Variants in SPEN observed in about 807,000 individuals in gnomAD.
SPEN encodes spen family transcriptional repressor.
SPEN carries 18 observed loss-of-function variants against 269.9 expected under a neutral mutation model. That is an observed-to-expected ratio of 0.07 (90% CI 0.05 to 0.10). The LOEUF (loss-of-function observed/expected upper bound fraction) is 0.10, where lower values mean the gene tolerates loss of function less well. Ranked by LOEUF, SPEN falls within the 10% of genes least tolerant of loss-of-function variation. SPEN has a pLI of 1.00. For synonymous variants in SPEN, 1,726 were observed against 1,765.7 expected, an observed-to-expected ratio of 0.98 and a Z score of 0.56; for missense variants, 3,822 against 4,631.2, an observed-to-expected ratio of 0.83 and a Z score of 5.07.
In SPEN at chr1:15,935,396, C is replaced by T. The variant is rs756065173; in HGVS notation, c.9156C>T (p.Thr3052=). 6.2e-7 allele frequency: 1 copy of T among 1,614,166 alleles called. No homozygotes were observed. The highest frequency in any genetic ancestry group is 1.1e-5 in the South Asian group (1 of 91,090). The change falls in exon 11 of 15, where the codon ACC becomes ACT. Residue 3052 remains threonine, a synonymous_variant. Transcript: ENST00000375759. The surrounding 1 kb of genome is among the most constrained non-coding windows in gnomAD (Gnocchi z 7.7). ...PSSTASTALS[T]NATVMLAAGI... is the part of the protein sequence containing the mutation. ...GTACTGCATCTACGGCGCTCTCCAC[C>T]AACGCCACAGTCATGCTGGCTGCAG...
At chr1:15,927,473 G>A (rs1450550373) in intron 10 of SPEN, among the ~76,000 whole-genome samples, 1 of 152,116 alleles carries the variant, frequency 6.6e-6, no homozygotes, top group African/African-American at 2.4e-5. Context: ...TTAGATAGAA[G>A]TGTTACCAGT....
intron 3 of SPEN, among the ~76,000 whole-genome samples, chr1:15,905,777 G>A (rs1233217394): frequency 6.6e-6 from 1 of 151,592 alleles, no homozygotes; most frequent in African/African-American, 2.4e-5. Flanking sequence ...GTTTCACCAT[G>A]TTGGCCAGGA....
At chr1:15,888,354 TG>T (rs1173902709) in intron 3 of SPEN, among the ~76,000 whole-genome samples, 4 of 151,978 alleles carry the variant, frequency 2.6e-5, no homozygotes, top group Non-Finnish European at 4.4e-5. Context: ...GCAAGAGTCT[TG>T]CTCTGTTGCC....
In SPEN at chr1:15,939,308, C is replaced by A; in HGVS notation, c.10876C>A (p.Leu3626Met). ...ATCCTGTCTCCAGCCTGCCTACGTG[C>A]TGCAGATCTTCCCGCCCTGTGAGTT... ...NPGSNQPAYV[L>M]QIFPPCEFSE... The change falls in exon 15 of 15, where the codon CTG (leucine) becomes ATG (methionine). Residue 3626 changes from leucine to methionine, a missense_variant. Physicochemically the swap from Leu to Met is conservative, Grantham distance 15. Coordinates refer to ENST00000375759, the MANE Select transcript of SPEN (RefSeq NM_015001.3). This position sits in a 1 kb window ranked among gnomAD's most constrained non-coding sequence, Gnocchi z 4.1. 6.3e-7 allele frequency: 1 copy of A among 1,593,920 alleles called. No homozygotes were observed. The highest frequency in any genetic ancestry group is 8.5e-7 in the Non-Finnish European group (1 of 1,169,678).
intron 5 of SPEN, among the ~76,000 whole-genome samples, chr1:15,913,675 G>A (rs911683661): frequency 2.0e-5 from 3 of 151,830 alleles, no homozygotes; most frequent in Non-Finnish European, 4.4e-5. Context: ...GATCGCTTGA[G>A]CCCAGGAGTT....
rs781238166 is a variant in SPEN at position 15,930,201 on chromosome 1, G to A, written c.3961G>A (p.Ala1321Thr). 3 of 1,614,112 alleles carry A rather than the reference G, an allele frequency of 1.9e-6. No homozygotes were observed. The highest frequency in any genetic ancestry group is 2.5e-6 in the Non-Finnish European group (3 of 1,180,012). The change falls in exon 11 of 15, where the codon GCA becomes ACA. Residue 1321 changes from alanine to threonine, a missense_variant. This residue lies in a region of SPEN where 267 missense variants were observed against 315.5 expected (regional missense o/e 0.85). Coordinates refer to ENST00000375759, the MANE Select transcript of SPEN (RefSeq NM_015001.3). This position sits in a 1 kb window ranked among gnomAD's most constrained non-coding sequence, Gnocchi z 5.3. The part of the protein sequence containing the change: ...PYDSSRREQM[A>T]DMAKIKLSVL... The stretch of plus-strand genomic sequence containing the variant: ...TGATTCTAGCAGGAGAGAACAGATG[G>A]CAGATATGGCCAAAATAAAACTATC...
chr1:15,866,599 T>C (rs1473043329), intron 1 of SPEN, among the ~76,000 whole-genome samples: 1 of 152,186 alleles, frequency 6.6e-6, no homozygotes. Flanking sequence ...GTGATCTGCC[T>C]GCCTGGGCCT....
chr1:15,857,549 G>A (rs1215839555), intron 1 of SPEN, among the ~76,000 whole-genome samples: 1 of 151,786 alleles, frequency 6.6e-6, no homozygotes, highest in African/African-American at 2.4e-5. Flanking sequence ...TAGAGACAAG[G>A]TTTCACCATG....
chr1:15,859,242 A>G (rs1403823369), intron 1 of SPEN, among the ~76,000 whole-genome samples: 1 of 150,568 alleles, frequency 6.6e-6, no homozygotes, highest in African/African-American at 2.4e-5. Flanking sequence ...TGCAGCCTCC[A>G]ACTTTTGGCT....
At chr1:15,919,262 C>G in intron 7 of SPEN, 142 bp from the exon 8 acceptor site, 1 of 688,590 alleles carries the variant, frequency 1.5e-6, no homozygotes, top group South Asian at 2.1e-5. Flanking sequence ...TTGTATATTC[C>G]TATTTAATTT....
At chr1:15,857,000 C>T (rs976022804) in intron 1 of SPEN, among the ~76,000 whole-genome samples, 2 of 152,028 alleles carry the variant, frequency 1.3e-5, no homozygotes, top group Non-Finnish European at 2.9e-5. Flanking sequence ...GTCAGTGAAT[C>T]CCAAGTTCCT....
At chr1:15,862,722 G>T (rs1246833374) in intron 1 of SPEN, among the ~76,000 whole-genome samples, 1 of 151,152 alleles carries the variant, frequency 6.6e-6, no homozygotes. Context: ...ATTTTTTTTC[G>T]GTGAAGTGCG....
intron 13 of SPEN, 136 bp downstream of exon 13, chr1:15,938,142 C>T (rs978666230): frequency 2.0e-5 from 17 of 844,426 alleles, no homozygotes; most frequent in South Asian, 9.3e-5. Context: ...CAGTCTCTGT[C>T]GCCTGGGCTG....
intron 3 of SPEN, among the ~76,000 whole-genome samples, chr1:15,881,089 C>T (rs1208749718): frequency 3.9e-5 from 6 of 152,164 alleles, no homozygotes; most frequent in Non-Finnish European, 5.9e-5. Flanking sequence ...CTGTTTCAGT[C>T]TCCTGAGTAG....
In SPEN at chr1:15,918,979, C is replaced by T. The variant is rs540677916; in HGVS notation, c.1449C>T (p.Tyr483=). The stretch of plus-strand genomic sequence containing the variant: ...TTCCTCAGTATGCGTTTCTGCAATA[C>T]TGTGATATTGCTAGCGTTTGTAAAG... ...NGVPQYAFLQ[Y]CDIASVCKAI... is the part of the protein sequence containing the mutation. The change falls in exon 7 of 15, where the codon TAC becomes TAT. Residue 483 remains tyrosine (Y), a synonymous_variant. Transcript: ENST00000375759. The T allele has an allele frequency of 1.2e-6, 2 of 1,606,196 alleles. No individual in the cohort carries two copies. Among genetic ancestry groups the T allele is most frequent in the Middle Eastern group, 1.7e-4 (1 of 6,036 alleles).
chr1:15,909,501 T>A lies in SPEN; in HGVS notation c.1042+20T>A, dbSNP rs1442087944. ...CTACAGGTAAAATTTTGTGTGAATG[T>A]CCTTTCCTCTGTGCTACTACTGAGG... On this transcript the variant is annotated intron_variant, in intron 4 of 14. Coordinates refer to ENST00000375759, the MANE Select transcript of SPEN (RefSeq NM_015001.3). 2.5e-6 allele frequency: 4 copies of A among 1,611,158 alleles called. No individual in the cohort carries two copies. The highest frequency in any genetic ancestry group is 1.3e-5 in the African/African-American group (1 of 74,842).
At chr1:15,890,325 G>A (rs1354679588) in intron 3 of SPEN, among the ~76,000 whole-genome samples, 1 of 151,362 alleles carries the variant, frequency 6.6e-6, no homozygotes, top group South Asian at 2.1e-4. Context: ...TCTGCCTCCC[G>A]GGTTCAAGCG....
At chr1:15,912,308 A>T (rs530997605) in intron 5 of SPEN, among the ~76,000 whole-genome samples, 53 of 152,328 alleles carry the variant, frequency 3.5e-4, no homozygotes, top group African/African-American at 1.2e-3. Context: ...GAGTTTATAC[A>T]CTTAAGTTTG....
chr1:15,883,746 T>C (rs1362964764), intron 3 of SPEN, among the ~76,000 whole-genome samples: 2 of 151,838 alleles, frequency 1.3e-5, no homozygotes, highest in Non-Finnish European at 2.9e-5. Flanking sequence ...CTGAGTAAAG[T>C]ATATCAAAAG....
Sources: allele counts gnomAD v4.1 joint callset (sites outside exome capture counted in the v4.1 genomes callset), GRCh38; gene constraint gnomAD v4.1.1; regional missense constraint gnomAD v4.1.1; non-coding constraint Gnocchi (gnomAD v3.1); transcripts MANE v1.5; gene names NCBI Gene and HGNC (gene_info 2026-07-23, HGNC 2026-07-21).